The following ZNF385D variants were observed in gnomAD, a reference collection of about 807,000 sequenced individuals.
ZNF385D encodes zinc finger protein 659.
A neutral mutation model predicts 35.8 loss-of-function variants in ZNF385D; 15 were observed. That is an observed-to-expected ratio of 0.42 (90% CI 0.28 to 0.64). The LOEUF (loss-of-function observed/expected upper bound fraction) is 0.64, where lower values mean the gene tolerates loss of function less well. Among genes scored for constraint, ZNF385D ranks in the 30% least tolerant of loss-of-function variants. The probability of loss-of-function intolerance (pLI) is 0.23; values close to 1 mark genes in which losing one functional copy is unlikely to be tolerated. For missense variants in ZNF385D, 474 were observed against 494.6 expected (o/e 0.96, Z 0.39); for synonymous variants, 212 against 186.8 (o/e 1.13, Z -1.10).
chr3:21,524,140 T>C (rs796466229), intron 3 of ZNF385D, among the ~76,000 whole-genome samples: 11 of 152,222 alleles, frequency 7.2e-5, no homozygotes, highest in South Asian at 2.1e-4. Context: ...GGGAAGAGCA[T>C]GAGTTGGGTT....
At chr3:21,424,319 T>TATA (rs1160001393) in intron 6 of ZNF385D, among the ~76,000 whole-genome samples, 3 of 28,180 alleles carry the variant, frequency 1.1e-4, no homozygotes, top group African/African-American at 2.9e-4. Flanking sequence ...ATATATATAT[T>TATA]TTTTTTTTTT....
chr3:21,776,706 T>C (rs2071303393), intron 3 of ZNF385D, among the ~76,000 whole-genome samples: 1 of 151,950 alleles, frequency 6.6e-6, no homozygotes, highest in Non-Finnish European at 1.5e-5. Context: ...TCAGCAATTA[T>C]CATAAAAAGG....
Position 21,473,650 on chromosome 3 carries a change from T to G in ZNF385D, c.440-36447A>C, listed in dbSNP as rs545945294. ...CAAAGATGGATTCTAAACCCTGTTG[T>G]TCAAACCTGAGTGACATATTTATCT... On this transcript the variant is annotated intron_variant, in intron 4 of 7. Coordinates refer to ENST00000281523, the MANE Select transcript of ZNF385D (RefSeq NM_024697.3). 3.9e-5 allele frequency among the ~76,000 whole-genome samples: 6 copies of G among 152,246 alleles called. No homozygotes were observed. In the South Asian group the frequency reaches 8.3e-4, roughly 21 times the overall value.
chr3:21,860,084 A>C (rs1696965093), intron 3 of ZNF385D, among the ~76,000 whole-genome samples: 1 of 152,162 alleles, frequency 6.6e-6, no homozygotes, highest in Non-Finnish European at 1.5e-5. Flanking sequence ...GGGTTAAAAA[A>C]GTACAAAATT....
intron 3 of ZNF385D, among the ~76,000 whole-genome samples, chr3:22,147,172 C>T (rs1207851561): frequency 6.6e-6 from 1 of 152,124 alleles, no homozygotes; most frequent in Non-Finnish European, 1.5e-5. Flanking sequence ...GTGTTAGAAT[C>T]AAAGTTGAAA....
At chr3:22,355,275 G>C (rs1442796893) in intron 2 of ZNF385D, among the ~76,000 whole-genome samples, 1 of 151,948 alleles carries the variant, frequency 6.6e-6, no homozygotes, top group Non-Finnish European at 1.5e-5. Flanking sequence ...ATTCCCATAA[G>C]TTGATTCGTT....
intron 3 of ZNF385D, among the ~76,000 whole-genome samples, chr3:21,948,396 T>G (rs1701899833): frequency 6.6e-6 from 1 of 152,088 alleles, no homozygotes; most frequent in African/African-American, 2.4e-5. Context: ...TTCTTTGCAT[T>G]GACAAGTTTT....
At chr3:22,169,324 T>A (rs1426435837) in intron 2 of ZNF385D, among the ~76,000 whole-genome samples, 1 of 152,198 alleles carries the variant, frequency 6.6e-6, no homozygotes, top group Non-Finnish European at 1.5e-5. Context: ...TATTCCCTTT[T>A]TTATAGCTGA....
intron 2 of ZNF385D, among the ~76,000 whole-genome samples, chr3:22,245,684 A>C (rs1699738456): frequency 6.9e-6 from 1 of 145,610 alleles, no homozygotes; most frequent in Non-Finnish European, 1.5e-5. Context: ...GAAGGATTCA[A>C]GTGAAAACTG....
rs185062518 is a variant in ZNF385D at position 22,231,497 on chromosome 3, A to G, written c.107-62462T>C. Reference sequence around the variant, plus strand: ...AAACAGCTTCCCACAGTAGCTGACAAGAGGCCGTCTGAACAGCTTTCTTCA... The same window carrying G: ...AAACAGCTTCCCACAGTAGCTGACAGGAGGCCGTCTGAACAGCTTTCTTCA... On this transcript the variant is annotated intron_variant, in intron 2 of 5. Transcript: ENST00000494108. Among the ~76,000 whole-genome samples, 16 of 152,288 alleles carry G rather than the reference A, an allele frequency of 1.1e-4. No homozygotes were observed. The East Asian group carries it at 2.9e-3, about 28-fold the overall frequency.
At chr3:22,368,352 T>C (rs1417361070) in intron 2 of ZNF385D, among the ~76,000 whole-genome samples, 2 of 152,178 alleles carry the variant, frequency 1.3e-5, no homozygotes, top group Admixed American at 1.3e-4. Context: ...TGAAACCACA[T>C]TTATAATAGG....
chr3:22,352,558 T>C (rs762283709), intron 2 of ZNF385D, among the ~76,000 whole-genome samples: 14 of 152,198 alleles, frequency 9.2e-5, no homozygotes, highest in East Asian at 5.8e-4. Context: ...AATATAATCA[T>C]ACCCTAACAC....
At chr3:21,547,544 C>T (rs2062419153) in intron 3 of ZNF385D, among the ~76,000 whole-genome samples, 1 of 152,052 alleles carries the variant, frequency 6.6e-6, no homozygotes, top group Admixed American at 6.5e-5. Context: ...ATAGCGCCTC[C>T]TGTTAGCAGA....
intron 4 of ZNF385D, among the ~76,000 whole-genome samples, chr3:21,448,982 T>C (rs1485442038): frequency 1.3e-5 from 2 of 151,982 alleles, no homozygotes; most frequent in African/African-American, 4.8e-5. Context: ...TCGATCTTTC[T>C]TTTTTTTCTG....
At chr3:21,973,724 A>C (rs1016081505) in intron 3 of ZNF385D, among the ~76,000 whole-genome samples, 1 of 152,118 alleles carries the variant, frequency 6.6e-6, no homozygotes, top group Non-Finnish European at 1.5e-5. Context: ...CAAATTCAGT[A>C]AAGTTGCAGG....
intron 3 of ZNF385D, among the ~76,000 whole-genome samples, chr3:21,987,565 A>T (rs1422426493): frequency 1.6e-5 from 2 of 126,930 alleles, no homozygotes; most frequent in African/African-American, 7.2e-5. Context: ...CTTCCCTTTG[A>T]GGGTAACCCG....
chr3:22,306,481 T>C (rs1444199926), intron 2 of ZNF385D, among the ~76,000 whole-genome samples: 32 of 152,076 alleles, frequency 2.1e-4, no homozygotes, highest in Admixed American at 2.0e-3. Context: ...CAATAATAGT[T>C]CTACAATAAT....
At chr3:22,077,362 A>G (rs1700515826) in intron 3 of ZNF385D, among the ~76,000 whole-genome samples, 1 of 151,980 alleles carries the variant, frequency 6.6e-6, no homozygotes, top group Non-Finnish European at 1.5e-5. Flanking sequence ...AGGTAGAATA[A>G]TTGAAAAATA....
chr3:22,327,091 C>G (rs752567578), intron 2 of ZNF385D, among the ~76,000 whole-genome samples: 1 of 152,044 alleles, frequency 6.6e-6, no homozygotes, highest in African/African-American at 2.4e-5. Context: ...TGAAAAAGTG[C>G]AAGAAATATT....
Sources: gnomAD v4.1 joint callset for allele counts (sites outside exome capture counted in the v4.1 genomes callset) on GRCh38, gnomAD v4.1.1 for gene constraint, MANE v1.5 for transcripts, NCBI Gene and HGNC (gene_info 2026-07-23, HGNC 2026-07-21) for gene names.